The following TMEM117 variants were observed in gnomAD, a reference collection of about 807,000 sequenced individuals.
TMEM117 encodes the protein transmembrane protein 117.
A neutral mutation model predicts 52.4 loss-of-function variants in TMEM117; 27 were observed. The ratio of observed to expected loss-of-function variants is 0.51; its 90% CI spans 0.38 to 0.71. The LOEUF (loss-of-function observed/expected upper bound fraction) is 0.71. Ranked by LOEUF, TMEM117 falls within the 30% of genes least tolerant of loss-of-function variation. The pLI is 0.00. For missense variants in TMEM117, 556 were observed against 630.5 expected, an observed-to-expected ratio of 0.88 and a Z score of 1.26; for synonymous variants, 215 against 206.3, an observed-to-expected ratio of 1.04 and a Z score of -0.36.
intron 6 of TMEM117, among the ~76,000 whole-genome samples, chr12:44,304,567 T>C (rs1950881023): frequency 6.6e-6 from 1 of 152,144 alleles, no homozygotes; most frequent in East Asian, 1.9e-4. Flanking sequence ...CAGACTCCTT[T>C]CCTCTGCTTC....
chr12:43,988,864 C>A (rs371038692), intron 3 of TMEM117, among the ~76,000 whole-genome samples: 1 of 152,146 alleles, frequency 6.6e-6, no homozygotes, highest in Non-Finnish European at 1.5e-5. Flanking sequence ...AAACATAATA[C>A]GTAAATAAGA....
intron 5 of TMEM117, among the ~76,000 whole-genome samples, chr12:44,292,272 A>G (rs543978862): frequency 9.2e-5 from 14 of 151,630 alleles, no homozygotes; most frequent in African/African-American, 3.4e-4. Flanking sequence ...GTCTCTTATG[A>G]CCCTTTGTAT....
intron 6 of TMEM117, among the ~76,000 whole-genome samples, chr12:44,331,217 T>G (rs1951266649): frequency 6.6e-6 from 1 of 151,956 alleles, no homozygotes; most frequent in Non-Finnish European, 1.5e-5. Flanking sequence ...CTCTTTTTTT[T>G]TGTTGGCAGC....
intron 5 of TMEM117, among the ~76,000 whole-genome samples, chr12:44,299,321 CAG>C (rs1196420287): frequency 6.6e-6 from 1 of 151,926 alleles, no homozygotes; most frequent in East Asian, 1.9e-4. Flanking sequence ...TTAGTAGAGA[CAG>C]GGATTCACCG....
chr12:43,836,874 A>G (rs888853598), intron 1 of TMEM117, among the ~76,000 whole-genome samples: 1 of 152,114 alleles, frequency 6.6e-6, no homozygotes, highest in African/African-American at 2.4e-5. Context: ...AAGGAAAAAA[A>G]ATGAGTAAAA....
At chr12:44,247,860 A>G (rs1950149746) in intron 5 of TMEM117, among the ~76,000 whole-genome samples, 2 of 152,182 alleles carry the variant, frequency 1.3e-5, no homozygotes, top group South Asian at 4.1e-4. Flanking sequence ...GACACTCACC[A>G]GAGGGTTGGG....
intron 3 of TMEM117, among the ~76,000 whole-genome samples, chr12:44,017,782 A>G (rs555450195): frequency 3.9e-5 from 6 of 152,340 alleles, no homozygotes; most frequent in East Asian, 3.9e-4. Flanking sequence ...TTATTTAAAT[A>G]GAATAAGGAC....
intron 4 of TMEM117, among the ~76,000 whole-genome samples, chr12:44,155,070 C>T (rs773289557): frequency 6.6e-6 from 1 of 152,050 alleles, no homozygotes; most frequent in African/African-American, 2.4e-5. Context: ...ATAATCATCT[C>T]TTTCCTCCAT....
chr12:44,085,920 G>A (rs1028687019), intron 3 of TMEM117, among the ~76,000 whole-genome samples: 7 of 151,764 alleles, frequency 4.6e-5, no homozygotes, highest in African/African-American at 1.5e-4. Context: ...CTGGAATCAC[G>A]GTTTCAGAAA....
chr12:44,105,029 A>G (rs1475585883), intron 3 of TMEM117, among the ~76,000 whole-genome samples: 2 of 151,958 alleles, frequency 1.3e-5, no homozygotes, highest in Non-Finnish European at 2.9e-5. Flanking sequence ...TTAATTTGGG[A>G]AAATTCTCCA....
At chr12:44,084,667 C>G (rs1322059751) in intron 3 of TMEM117, among the ~76,000 whole-genome samples, 1 of 152,106 alleles carries the variant, frequency 6.6e-6, no homozygotes, top group Non-Finnish European at 1.5e-5. Flanking sequence ...CAAGATCTGT[C>G]CTTTTCAGGG....
chr12:43,824,858 G>A, the TMEM117 span, among the ~76,000 whole-genome samples: 3 of 152,174 alleles, frequency 2.0e-5, no homozygotes, highest in Admixed American at 6.5e-5. Context: ...CCCGGGAGGC[G>A]AAGCTTGCAG....
intron 3 of TMEM117, among the ~76,000 whole-genome samples, chr12:44,050,181 G>A (rs1484093125): frequency 6.6e-6 from 1 of 152,170 alleles, no homozygotes; most frequent in Non-Finnish European, 1.5e-5. Context: ...GAATAGCAGA[G>A]CTTCTTTGTT....
chr12:44,230,317 T>C (rs1370357898), intron 5 of TMEM117, among the ~76,000 whole-genome samples: 1 of 152,028 alleles, frequency 6.6e-6, no homozygotes, highest in African/African-American at 2.4e-5. Flanking sequence ...AAAAGGGAAC[T>C]CTATTTTCCT....
At chr12:43,892,216 A>G (rs1318197379) in intron 2 of TMEM117, among the ~76,000 whole-genome samples, 5 of 152,224 alleles carry the variant, frequency 3.3e-5, no homozygotes, top group African/African-American at 1.2e-4. Flanking sequence ...ATCCTGGGGA[A>G]ATTAGGCACA....
chr12:44,051,255 C>T (rs1473633508), intron 3 of TMEM117, among the ~76,000 whole-genome samples: 1 of 151,970 alleles, frequency 6.6e-6, no homozygotes, highest in African/African-American at 2.4e-5. Context: ...TGTTGTAAAC[C>T]CTCCTCCAAC....
chr12:44,175,217 G>A (rs1346725106), intron 4 of TMEM117, among the ~76,000 whole-genome samples: 2 of 152,184 alleles, frequency 1.3e-5, no homozygotes, highest in African/African-American at 4.8e-5. Context: ...GGCCAGAGAA[G>A]ATGGAGCTTA....
intron 4 of TMEM117, among the ~76,000 whole-genome samples, chr12:44,191,830 G>A (rs1304827873): frequency 2.6e-5 from 4 of 152,142 alleles, no homozygotes; most frequent in South Asian, 4.2e-4. Context: ...AAATTGAATT[G>A]AACTACTACA....
intron 6 of TMEM117, among the ~76,000 whole-genome samples, chr12:44,367,589 T>C (rs11837483): frequency 0.013 from 2,045 of 152,216 alleles, 38 homozygotes; most frequent in African/African-American, 0.047. Flanking sequence ...CCTTTCTAAA[T>C]GATTTTATCC....
Sources: gnomAD v4.1 joint callset for allele counts (sites outside exome capture counted in the v4.1 genomes callset) on GRCh38, gnomAD v4.1.1 for gene constraint, MANE v1.5 for transcripts, NCBI Gene and HGNC (gene_info 2026-07-23, HGNC 2026-07-21) for gene names.